The following OPRM1 variants were observed in gnomAD, a reference collection of about 807,000 sequenced individuals.
OPRM1 encodes mu-type opioid receptor.
A neutral mutation model predicts 31.8 loss-of-function variants in OPRM1; 27 were observed. The observed-to-expected ratio is 0.85, with a 90% confidence interval of 0.63 to 1.17. The LOEUF (loss-of-function observed/expected upper bound fraction) is 1.17. Ranked by LOEUF, OPRM1 falls within the 50% of genes most tolerant of loss-of-function variation. The pLI is 0.00. For synonymous variants in OPRM1, 196 were observed against 189.9 expected, an observed-to-expected ratio of 1.03 and a Z score of -0.26; for missense variants, 536 against 511.1, an observed-to-expected ratio of 1.05 and a Z score of -0.47.
chr6:154,223,252 A>G lies in OPRM1; in HGVS notation c.1165-23441A>G, dbSNP rs755710132. ...CCATCAGCTTTCTCTGCCTGAAACA[A>G]ATATATACCACAAATAGGAATGAAT... On this transcript the variant is annotated intron_variant, in intron 3 of 3. Transcript: ENST00000337049. 2.5e-6 allele frequency: 4 copies of G among 1,605,358 alleles called. No individual in the cohort carries two copies. The East Asian group carries it at 8.9e-5, about 36-fold the overall frequency.
At chr6:154,021,908 G>A (rs1778397362) in intron 1 of OPRM1, among the ~76,000 whole-genome samples, 2 of 151,684 alleles carry the variant, frequency 1.3e-5, no homozygotes, top group Admixed American at 1.3e-4. Flanking sequence ...TGCAAACAAA[G>A]GCAGTTCTAT....
rs371723278 is a variant in OPRM1, at chr6:154,089,823, T to C, written c.291-3T>C. The C allele has an allele frequency of 1.2e-6, 2 of 1,604,412 alleles. No homozygotes were observed. Among genetic ancestry groups the C allele is most frequent in the Non-Finnish European group, 1.7e-6 (2 of 1,172,684 alleles). The stretch of plus-strand genomic sequence containing the variant: ...TTCTCACTCTTCTTCCTTTATCTCC[T>C]AGATACACCAAGATGAAGACTGCCA... On this transcript the variant is annotated splice_region_variant and splice_polypyrimidine_tract_variant and intron_variant, in intron 1 of 3. Coordinates refer to ENST00000330432, the MANE Select transcript of OPRM1 (RefSeq NM_000914.5).
intron 3 of OPRM1, among the ~76,000 whole-genome samples, chr6:154,094,487 G>A (rs1793003562): frequency 6.6e-6 from 1 of 152,242 alleles, no homozygotes; most frequent in African/African-American, 2.4e-5. Context: ...ACAGCCATTG[G>A]AGCTGGGCTT....
chr6:154,017,792 G>A (rs1232607048), intron 1 of OPRM1, among the ~76,000 whole-genome samples: 3 of 152,124 alleles, frequency 2.0e-5, no homozygotes, highest in Non-Finnish European at 4.4e-5. Context: ...TAGAAAAATT[G>A]AAATAAAATA....
chr6:154,164,073 A>T (rs1195071391), intron 3 of OPRM1, among the ~76,000 whole-genome samples: 1 of 152,214 alleles, frequency 6.6e-6, no homozygotes, highest in Non-Finnish European at 1.5e-5. Flanking sequence ...ATATCACCAT[A>T]CTGCTATTAA....
chr6:154,118,554 C>A, intron 3 of OPRM1, 129 bp from the exon 4 acceptor site: 1 of 773,990 alleles, frequency 1.3e-6, no homozygotes, highest in Non-Finnish European at 2.2e-6. Flanking sequence ...TTAAGAAAAA[C>A]TGAGGCTTGC....
intron 1 of OPRM1, among the ~76,000 whole-genome samples, chr6:154,089,379 G>A (rs1791452019): frequency 6.6e-6 from 1 of 151,882 alleles, no homozygotes; most frequent in Non-Finnish European, 1.5e-5. Context: ...TTGAGCCCAA[G>A]AGTTCAAGAC....
chr6:154,223,183 A>T (rs1444716795), intron 3 of OPRM1: 2 of 1,613,728 alleles, frequency 1.2e-6, no homozygotes, highest in South Asian at 2.2e-5. Flanking sequence ...TTTTTCTTGC[A>T]TTCAGATGCT....
In OPRM1 at chr6:154,223,629, A is replaced by G. The variant is rs187422418; in HGVS notation, c.1165-23064A>G. 6.0e-3 allele frequency among the ~76,000 whole-genome samples: 913 copies of G among 152,332 alleles called. 11 individuals are homozygous for G. Among genetic ancestry groups the G allele is most frequent in the African/African-American group, 0.021 (885 of 41,576 alleles). On this transcript the variant is annotated intron_variant, in intron 3 of 3. Transcript: ENST00000337049. ...TCCTACGACTCTAGTCAGCTAGCAC[A>G]CAGGAAGAAACCTAACTAGCATTCT...
intron 3 of OPRM1, among the ~76,000 whole-genome samples, chr6:154,111,567 A>G (rs1796361692): frequency 6.6e-6 from 1 of 152,066 alleles, no homozygotes. Context: ...AATCTCTTCA[A>G]TTTTCTTTAG....
chr6:154,148,746 T>C (rs1241914380), intron 3 of OPRM1, among the ~76,000 whole-genome samples: 2 of 152,206 alleles, frequency 1.3e-5, no homozygotes, highest in Non-Finnish European at 2.9e-5. Context: ...ATATGTTACA[T>C]GAAGCTCTGC....
intron 1 of OPRM1, among the ~76,000 whole-genome samples, chr6:154,076,849 C>T (rs904163631): frequency 3.3e-5 from 5 of 152,060 alleles, no homozygotes; most frequent in Non-Finnish European, 5.9e-5. Flanking sequence ...TTGATACTTC[C>T]GGGTTTTATT....
intron 3 of OPRM1, among the ~76,000 whole-genome samples, chr6:154,148,273 A>C (rs1391832098): frequency 6.6e-6 from 1 of 152,274 alleles, no homozygotes; most frequent in Non-Finnish European, 1.5e-5. Context: ...TTTCATAGCC[A>C]GGATGAAACA....
intron 3 of OPRM1, chr6:154,160,001 C>T (rs987473975): frequency 1.9e-6 from 3 of 1,612,420 alleles, no homozygotes; most frequent in East Asian, 4.5e-5. Context: ...TTCGGGTCAT[C>T]CAGCAACTGG....
chr6:154,118,751 A>G lies in OPRM1; in HGVS notation c.*30A>G. 6.2e-7 allele frequency: 1 copy of G among 1,612,004 alleles called. No individual in the cohort carries two copies. Among genetic ancestry groups the G allele is most frequent in the East Asian group, 2.2e-5 (1 of 44,872 alleles). ...GTCTCATGCCATTCCGACCTTCACC[A>G]AGCTTAGAAGCCACCATGTATGTGG... On this transcript the variant is annotated 3_prime_UTR_variant, in exon 4 of 4. Coordinates refer to ENST00000330432, the MANE Select transcript of OPRM1 (RefSeq NM_000914.5).
At position 154,091,423 on chromosome 6, in the gene OPRM1, C is replaced by T. The variant is rs200735555; in HGVS notation, c.1115C>T (p.Thr372Ile). The change falls in exon 3 of 4, where the codon ACT (threonine) becomes ATT (isoleucine). Residue 372 changes from threonine to isoleucine, a missense_variant. Thr to Ile is a moderately conservative substitution (Grantham distance 89, BLOSUM62 -1). Coordinates refer to ENST00000330432, the MANE Select transcript of OPRM1 (RefSeq NM_000914.5). Reference sequence around the variant, plus strand: ...AACTCCACTCGAATTCGTCAGAACACTAGAGACCACCCCTCCACGGCCAAT... The same window carrying T: ...AACTCCACTCGAATTCGTCAGAACATTAGAGACCACCCCTCCACGGCCAAT... ...QQNSTRIRQN[T>I]RDHPSTANTV... 3.1e-6 allele frequency: 5 copies of T among 1,613,802 alleles called. No homozygotes were observed. The highest frequency in any genetic ancestry group is 4.2e-6 in the Non-Finnish European group (5 of 1,180,040).
chr6:154,223,066 C>T (rs1778992403), intron 3 of OPRM1: 12 of 888,380 alleles, frequency 1.4e-5, no homozygotes, highest in East Asian at 7.6e-5. Flanking sequence ...TCAGACATTC[C>T]GATGTTACCT....
At chr6:154,089,083 C>T (rs772794673) in intron 1 of OPRM1, among the ~76,000 whole-genome samples, 2 of 152,130 alleles carry the variant, frequency 1.3e-5, no homozygotes, top group Non-Finnish European at 1.5e-5. Flanking sequence ...GCCCCATAAT[C>T]GCCTGTGTGT....
At chr6:154,019,509 G>A (rs985823206) in intron 1 of OPRM1, among the ~76,000 whole-genome samples, 2 of 151,920 alleles carry the variant, frequency 1.3e-5, no homozygotes, top group African/African-American at 4.8e-5. Context: ...GTACCATATA[G>A]AATAGTTTCA....
Sources: gnomAD v4.1 joint callset for allele counts (sites outside exome capture counted in the v4.1 genomes callset) on GRCh38, gnomAD v4.1.1 for gene constraint, MANE v1.5 for transcripts, NCBI Gene and HGNC (gene_info 2026-07-23, HGNC 2026-07-21) for gene names.